The following EXOSC10 variants were observed in gnomAD, a reference collection of about 807,000 sequenced individuals.
The protein encoded by EXOSC10 is exosome component 10, also known as exosome complex component 10.
A neutral mutation model predicts 126.6 loss-of-function variants in EXOSC10; 94 were observed. The ratio of observed to expected loss-of-function variants is 0.74; its 90% CI spans 0.63 to 0.88. The LOEUF (loss-of-function observed/expected upper bound fraction) is 0.88. EXOSC10 is among the 40% of genes least tolerant of loss of function. The pLI is 0.00. For missense variants in EXOSC10, 1,041 were observed against 1,100.5 expected, an observed-to-expected ratio of 0.95 and a Z score of 0.77; for synonymous variants, 395 against 400.8, an observed-to-expected ratio of 0.99 and a Z score of 0.17.
At chr1:11,068,914 T>C in intron 22 of EXOSC10, 3 of 592,924 alleles carry the variant, frequency 5.1e-6, no homozygotes, top group Non-Finnish European at 9.0e-6. Flanking sequence ...CCAGGCCCAT[T>C]TCTCTCAGCT....
intron 6 of EXOSC10, among the ~76,000 whole-genome samples, chr1:11,088,990 G>T (rs1640647755): frequency 6.6e-6 from 1 of 152,078 alleles, no homozygotes; most frequent in South Asian, 2.1e-4. Flanking sequence ...GAAAGTCGAG[G>T]CAGGAGGACT....
intron 6 of EXOSC10, 152 bp from the exon 7 acceptor site, chr1:11,088,350 C>G (rs2100213070): frequency 1.7e-6 from 1 of 584,712 alleles, no homozygotes; most frequent in East Asian, 2.9e-5. Flanking sequence ...AGTAATTCAA[C>G]TACAAATCAT....
At chr1:11,076,991 T>C in intron 16 of EXOSC10, 43 bp from the exon 17 acceptor site, 1 of 1,517,158 alleles carries the variant, frequency 6.6e-7, no homozygotes. Context: ...TACAGAATTT[T>C]GTTTATTTTT....
Position 11,080,563 on chromosome 1 carries a change from A to AAAAC in EXOSC10, c.1587-15_1587-14insGTTT, listed in dbSNP as rs763871842. ...GGCAGTACATATCTGGAAAAAAAAA[A>AAAAC]ACACACACACACACACACACACACA... On this transcript the variant is annotated splice_polypyrimidine_tract_variant and intron_variant, in intron 12 of 24. Coordinates refer to ENST00000376936, the MANE Select transcript of EXOSC10 (RefSeq NM_001001998.3). 2.2e-4 allele frequency: 314 copies of AAAAC among 1,423,404 alleles called. 1 individual carries two copies. In the African/African-American group the frequency reaches 3.8e-3, roughly 17 times the overall value. The allele number at this position is 1,423,404 out of a possible 1,614,324, so 88.2% of individuals were successfully genotyped here.
In EXOSC10 at chr1:11,069,599, C is replaced by T. The variant is rs143402418; in HGVS notation, c.2448G>A (p.Thr816=). The T allele has an allele frequency of 1.4e-3, 2,278 of 1,614,100 alleles. 45 individuals are homozygous for T. The East Asian group carries it at 0.041, about 29-fold the overall frequency. ...AGTCTGACTGGCTGTAGTCGTAAGG[C>T]GTAAACTCTTTTTCTGGTGGCTCTG... ...KDPEPPEKEF[T]PYDYSQSDFK... The change falls in exon 22 of 25, where the codon ACG becomes ACA. Residue 816 remains threonine (T), a synonymous_variant. Transcript: ENST00000376936.
At chr1:11,083,612 G>C (rs1263961081) in intron 9 of EXOSC10, among the ~76,000 whole-genome samples, 2 of 142,104 alleles carry the variant, frequency 1.4e-5, no homozygotes, top group Non-Finnish European at 3.0e-5. Context: ...TTTTTTTTAA[G>C]TTAAAAAAAT....
chr1:11,080,370 A>T, intron 13 of EXOSC10, 129 bp downstream of exon 13: 1 of 1,161,450 alleles, frequency 8.6e-7, no homozygotes, highest in Non-Finnish European at 1.3e-6. Flanking sequence ...TCAACTTGCT[A>T]CCTTCCAAGC....
At position 11,068,024 on chromosome 1, in the gene EXOSC10, T is replaced by C. The variant is rs748780044; in HGVS notation, c.2611A>G (p.Thr871Ala). 20 of 1,613,948 alleles carry C rather than the reference T, an allele frequency of 1.2e-5. No homozygotes were observed. Among genetic ancestry groups the C allele is most frequent in the East Asian group, 4.5e-5 (2 of 44,894 alleles). ...SVGNKSMSFP[T>A]GKSDRGFRYN... ...ACCACATACCTGTCTGACTTTCCAG[T>C]TGGAAAGGACATGCTTTTGTTTCCC... The change falls in exon 24 of 25, where the codon ACT becomes GCT. Residue 871 changes from threonine to alanine, a missense_variant. By Grantham distance (58) the Thr-to-Ala change is moderately conservative. Transcript: ENST00000376936.
intron 6 of EXOSC10, among the ~76,000 whole-genome samples, chr1:11,089,434 A>ACCCTGT (rs1640676723): frequency 6.7e-6 from 1 of 150,032 alleles, no homozygotes; most frequent in African/African-American, 2.5e-5. Flanking sequence ...ACATGATGAA[A>ACCCTGT]CCCTGTCTCT....
intron 24 of EXOSC10, 135 bp from the exon 25 acceptor site, chr1:11,066,883 G>T: frequency 9.8e-7 from 1 of 1,020,106 alleles, no homozygotes. Context: ...AGAGAACTCG[G>T]CGGCCCACCA....
chr1:11,097,592 G>C (rs1164228011), intron 2 of EXOSC10, among the ~76,000 whole-genome samples: 1 of 151,532 alleles, frequency 6.6e-6, no homozygotes, highest in East Asian at 2.0e-4. Context: ...TGGGCGTGTT[G>C]ACGGGCACCT....
chr1:11,082,725 A>G lies in EXOSC10; in HGVS notation c.1243T>C (p.Ser415Pro). 3.1e-6 allele frequency: 5 copies of G among 1,614,202 alleles called. No individual in the cohort carries two copies. Among genetic ancestry groups the G allele is most frequent in the Non-Finnish European group, 3.4e-6 (4 of 1,180,038 alleles). The part of the protein sequence containing the change: ...HLLKLYCNVD[S>P]NKQYQLADWR... ...TCAGCCAGCTGATATTGCTTGTTTG[A>G]GTCCACGTTGCAGTAGAGTTTCAGG... The change falls in exon 10 of 25, where the codon TCA (serine) becomes CCA (proline). Residue 415 changes from serine (S) to proline (P), a missense_variant. Physicochemically the swap from Ser to Pro is moderately conservative, Grantham distance 74 (BLOSUM62 -1). Coordinates refer to ENST00000376936, the MANE Select transcript of EXOSC10 (RefSeq NM_001001998.3).
intron 24 of EXOSC10, 122 bp downstream of exon 24, chr1:11,067,886 T>C: frequency 2.6e-6 from 2 of 782,314 alleles, no homozygotes; most frequent in South Asian, 1.8e-5. Context: ...GGAGGTTCTC[T>C]GAGTCATCCT....
chr1:11,083,295 T>C (rs188842248), intron 9 of EXOSC10, among the ~76,000 whole-genome samples: 5 of 152,214 alleles, frequency 3.3e-5, no homozygotes, highest in Admixed American at 3.3e-4. Context: ...CTGGGCATGG[T>C]GGATCACGCC....
In EXOSC10 at chr1:11,076,910, C is replaced by T. The variant is rs1639848652; in HGVS notation, c.1918G>A (p.Asp640Asn). 6.2e-7 allele frequency: 1 copy of T among 1,613,890 alleles called. No homozygotes were observed. The highest frequency in any genetic ancestry group is 1.7e-5 in the Admixed American group (1 of 59,998). Residue 640 changes from aspartate (D) to asparagine (N), a missense_variant, in exon 17 of 25, where the codon GAT becomes AAT. Physicochemically the swap from Asp to Asn is conservative, Grantham distance 23. Around this residue, in one of 3 missense-constraint regions of EXOSC10, gnomAD observed 388 missense variants for 415.2 expected, o/e 0.93. Transcript: ENST00000376936. ...CCCAGCAAGTTATCTTCTTTTTCAT[C>T]AGGGAAGAGGCTCGCCTGCTTCTGA... is the stretch of plus-strand genomic sequence containing the variant. ...PVQKQASLFP[D>N]EKEDNLLGTT...
At chr1:11,093,845 A>G (rs1557718723) in intron 3 of EXOSC10, among the ~76,000 whole-genome samples, 1 of 151,230 alleles carries the variant, frequency 6.6e-6, no homozygotes, top group Non-Finnish European at 1.5e-5. Context: ...GTGGGGGGGG[A>G]TTGTTTGAGG....
intron 21 of EXOSC10, 101 bp downstream of exon 21, chr1:11,070,799 T>A: frequency 1.9e-6 from 2 of 1,051,130 alleles, no homozygotes; most frequent in Admixed American, 4.5e-5. Context: ...CAGGACTTAA[T>A]ATAAAGCACA....
In EXOSC10 at chr1:11,076,844, T is replaced by C. The variant is rs1224331112; in HGVS notation, c.1984A>G (p.Asn662Asp). The C allele has an allele frequency of 1.9e-6, 3 of 1,611,096 alleles. No individual in the cohort carries two copies. Among genetic ancestry groups the C allele is most frequent in the Non-Finnish European group, 2.5e-6 (3 of 1,178,520 alleles). Residue 662 changes from asparagine (N) to aspartate (D), a missense_variant and splice_region_variant, in exon 17 of 25, where the codon AAT becomes GAT. Asn to Asp is a conservative substitution (Grantham distance 23, BLOSUM62 1). Coordinates refer to ENST00000376936, the MANE Select transcript of EXOSC10 (RefSeq NM_001001998.3). ...AGTGAAGTTTCTGTGCTACTCACAT[T>C]AAATAACGTGATGACAGCTGTGGCA... ...LIATAVITLFNEPSAEDSKKG... is the reference protein window; with the variant it reads ...LIATAVITLFDEPSAEDSKKG...
At chr1:11,076,709 C>T in intron 17 of EXOSC10, 133 bp downstream of exon 17, 3 of 713,184 alleles carry the variant, frequency 4.2e-6, no homozygotes, top group East Asian at 5.3e-5. Flanking sequence ...TATGCCTCTC[C>T]CAGCACTGCT....
Sources: gnomAD v4.1 joint callset for allele counts (sites outside exome capture counted in the v4.1 genomes callset) on GRCh38, gnomAD v4.1.1 for gene constraint, gnomAD v4.1.1 regional missense constraint, MANE v1.5 for transcripts, NCBI Gene and HGNC (gene_info 2026-07-23, HGNC 2026-07-21) for gene names.